CEP250: variants seen among roughly 807,000 people sequenced by gnomAD.
CEP250 encodes centrosomal protein 250.
Under a neutral mutation model 315.7 loss-of-function variants are expected in CEP250, and 242 were observed. The observed-to-expected ratio is 0.77, with a 90% CI of 0.69 to 0.85. The LOEUF (loss-of-function observed/expected upper bound fraction) is 0.85. CEP250 is among the 40% of genes least tolerant of loss of function. CEP250 has a pLI of 0.00. For missense variants in CEP250, 2,515 were observed against 2,886.4 expected (o/e 0.87, Z 2.95); for synonymous variants, 1,088 against 1,175.0 (o/e 0.93, Z 1.51).
At chr20:35,467,141 A>G (rs928219584) in intron 8 of CEP250, 69 bp downstream of exon 8, 1 of 773,452 alleles carries the variant, frequency 1.3e-6, no homozygotes, top group South Asian at 1.4e-5. Context: ...GTGGGCTGCT[A>G]TAGAAGCGGG....
chr20:35,467,178 G>GGGGGGGGGGGGGGGGGGGCC, intron 8 of CEP250, 106 bp downstream of exon 8: 1 of 507,406 alleles, frequency 2.0e-6, no homozygotes, highest in Non-Finnish European at 3.8e-6. Flanking sequence ...GGGTGGGTGG[G>GGGGGGGGGGGGGGGGGGGCC]GGAGTTGGTA....
At position 35,507,748 on chromosome 20, in the gene CEP250, A is replaced by G. The variant is rs377407692; in HGVS notation, c.6647A>G (p.Glu2216Gly). 95 of 1,553,510 alleles carry G rather than the reference A, an allele frequency of 6.1e-5. No homozygotes were observed. Among genetic ancestry groups the G allele is most frequent in the Non-Finnish European group, 7.8e-5 (89 of 1,148,004 alleles). Residue 2216 changes from glutamate (E) to glycine (G), a missense_variant, in exon 31 of 35, where the codon GAG (glutamate) becomes GGG (glycine). Physicochemically the swap from Glu to Gly is moderately conservative, Grantham distance 98. Coordinates refer to ENST00000397527, the MANE Select transcript of CEP250 (RefSeq NM_007186.6). ...ACCTCCGTACCCTAGGATGAACTGGAGCTCACCAGACGGGCTCTGGAGAAG... is the reference window on the plus strand; with the variant it reads ...ACCTCCGTACCCTAGGATGAACTGGGGCTCACCAGACGGGCTCTGGAGAAG... ...SEQQRLQDEL[E>G]LTRRALEKER...
Position 35,490,782 on chromosome 20 carries a change from A to G in CEP250, c.2732A>G (p.Gln911Arg). Residue 911 changes from glutamine to arginine, a missense_variant, in exon 21 of 35, where the codon CAG (glutamine) becomes CGG (arginine). Coordinates refer to ENST00000397527, the MANE Select transcript of CEP250 (RefSeq NM_007186.6). ...IQAQREEERT[Q>R]AESALCQMQL... is the part of the protein sequence containing the mutation. ...GCCCAGAGGGAAGAAGAACGGACCC[A>G]GGCAGAGAGTGCCCTATGCCAGGTG... The G allele has an allele frequency of 6.2e-7, 1 of 1,613,350 alleles. No homozygotes were observed. Among genetic ancestry groups the G allele is most frequent in the Non-Finnish European group, 8.5e-7 (1 of 1,179,896 alleles).
intron 1 of CEP250, among the ~76,000 whole-genome samples, chr20:35,457,695 A>C (rs1254458655): frequency 1.3e-5 from 2 of 152,120 alleles, no homozygotes; most frequent in Non-Finnish European, 2.9e-5. Context: ...GCTACTCAGG[A>C]GGCTGAGACA....
chr20:35,493,741 A>G (rs546105265), intron 23 of CEP250, among the ~76,000 whole-genome samples, 169 bp downstream of exon 23: 3 of 152,296 alleles, frequency 2.0e-5, no homozygotes, highest in South Asian at 2.1e-4. Flanking sequence ...AGAGTTGAGC[A>G]TGTGCCTGGC....
rs373195359 is a variant in CEP250 at position 35,511,358 on chromosome 20, A to G, written c.7066-5A>G. 72 of 1,547,212 alleles carry G rather than the reference A, an allele frequency of 4.7e-5. No homozygotes were observed. In the African/African-American group the frequency reaches 9.4e-4, roughly 20 times the overall value. ...TCGCTTTTTTTTTTTTTTCCTGCCC[A>G]CCAGGTGGTCCTGCTGCAAGCTCAG... On this transcript the variant is annotated splice_region_variant and splice_polypyrimidine_tract_variant and intron_variant, in intron 34 of 34. Coordinates refer to ENST00000397527, the MANE Select transcript of CEP250 (RefSeq NM_007186.6).
In CEP250 at chr20:35,470,233, G is replaced by A. The variant is rs2146756335; in HGVS notation, c.948+247G>A. On this transcript the variant is annotated intron_variant, in intron 10 of 34. Coordinates refer to ENST00000397527, the MANE Select transcript of CEP250 (RefSeq NM_007186.6). ...TTGCAATGGCATATGTATGCAGTGT[G>A]TCCTTACCAGAGAATTGGCACATAC... is the stretch of plus-strand genomic sequence containing the variant. The A allele has an allele frequency of 7.8e-6, 4 of 511,906 alleles. No individual in the cohort carries two copies. In the East Asian group the frequency reaches 1.3e-4, roughly 16 times the overall value. The allele number at this position is 511,906 out of a possible 1,614,324, so 31.7% of individuals were successfully genotyped here.
At position 35,496,666 on chromosome 20, in the gene CEP250, G is replaced by A. The variant is rs745957253; in HGVS notation, c.3257G>A (p.Arg1086His). 31 of 1,614,060 alleles carry A rather than the reference G, an allele frequency of 1.9e-5. 1 individual carries two copies. In the South Asian group the frequency reaches 3.0e-4, roughly 15 times the overall value. The change falls in exon 25 of 35, where the codon CGC becomes CAC. Residue 1086 changes from arginine (R) to histidine (H), a missense_variant. Physicochemically the swap from Arg to His is conservative, Grantham distance 29. Transcript: ENST00000397527. ...CGACAACAAGAGCTGAGTGCCCTGC[G>A]CCAGGACATGCAGGAGGCCCAGGGA... ...SIRQQELSAL[R>H]QDMQEAQGEQ...
chr20:35,482,725 A>G (rs2063386484), intron 20 of CEP250, among the ~76,000 whole-genome samples: 1 of 149,546 alleles, frequency 6.7e-6, no homozygotes, highest in South Asian at 2.1e-4. Context: ...ATGCCCAGCT[A>G]ATTTTTTTGT....
At chr20:35,469,706 A>G (rs577090726) in intron 9 of CEP250, 184 bp from the exon 10 acceptor site, 1 of 435,852 alleles carries the variant, frequency 2.3e-6, no homozygotes, top group South Asian at 6.4e-5. Flanking sequence ...TTGCTTCCCC[A>G]CTTCAAGGCT....
At position 35,503,313 on chromosome 20, in the gene CEP250, T is replaced by G; in HGVS notation, c.4944T>G (p.His1648Gln). 1 of 1,613,928 alleles carries G rather than the reference T, an allele frequency of 6.2e-7. No homozygotes were observed. The highest frequency in any genetic ancestry group is 1.7e-5 in the Admixed American group (1 of 60,008). ...QIEELQRQKE[H>Q]LTQDLERRDQ... ...AGGAGCTGCAGAGGCAGAAAGAGCA[T>G]CTGACTCAGGATCTCGAGAGGAGAG... is the stretch of plus-strand genomic sequence containing the variant. The change falls in exon 30 of 35, where the codon CAT becomes CAG. Residue 1648 changes from histidine to glutamine, a missense_variant. Coordinates refer to ENST00000397527, the MANE Select transcript of CEP250 (RefSeq NM_007186.6). The surrounding 1 kb of genome is among the most constrained non-coding windows in gnomAD (Gnocchi z 4.2).
chr20:35,493,585 T>C lies in CEP250; in HGVS notation c.3033+13T>C. 6.6e-7 allele frequency: 1 copy of C among 1,510,850 alleles called. No individual in the cohort carries two copies. 93.6% of individuals were successfully genotyped at this position (1,510,850 alleles called of 1,614,324 possible). On this transcript the variant is annotated intron_variant, in intron 23 of 34. Coordinates refer to ENST00000397527, the MANE Select transcript of CEP250 (RefSeq NM_007186.6). ...CCTGCAGAAGCAGGTCCCCTCCTCC[T>C]CCCCACCAAGTCCCATGGTCCTTCC...
At position 35,498,689 on chromosome 20, in the gene CEP250, A is replaced by G. The variant is rs2063917575; in HGVS notation, c.3750A>G (p.Gln1250=). ...CATCTGCCCTCCACAAGCTTCATCA[A>G]GACCTGTGGAAGACTCAACAGACCC... is the stretch of plus-strand genomic sequence containing the variant. ...AVASALHKLH[Q]DLWKTQQTRD... is the part of the protein sequence containing the mutation. The change falls in exon 27 of 35, where the codon CAA becomes CAG. Residue 1250 remains glutamine (Q), a synonymous_variant. Transcript: ENST00000397527. 1 of 1,601,298 alleles carries G rather than the reference A, an allele frequency of 6.2e-7. No homozygotes were observed. Among genetic ancestry groups the G allele is most frequent in the Non-Finnish European group, 8.5e-7 (1 of 1,176,336 alleles).
At chr20:35,506,815 T>C (rs1473444234) in intron 30 of CEP250, among the ~76,000 whole-genome samples, 1 of 152,196 alleles carries the variant, frequency 6.6e-6, no homozygotes, top group Non-Finnish European at 1.5e-5. Flanking sequence ...CATGGCATGA[T>C]ATGTATGAAT....
chr20:35,475,117 G>A (rs778382719), intron 14 of CEP250, among the ~76,000 whole-genome samples: 1 of 152,156 alleles, frequency 6.6e-6, no homozygotes, highest in Non-Finnish European at 1.5e-5. Context: ...GATCACATGA[G>A]CCCCCAGGAG....
chr20:35,504,855 A>G lies in CEP250; in HGVS notation c.6486A>G (p.Thr2162=), dbSNP rs2064140091. ...GGCTACAGGCAGCCCTGAGACAGAC[A>G]GAAGCCAGGGAGATTGAGTGGAGGG... ...LERLQAALRQ[T]EAREIEWREK... is the part of the protein sequence containing the mutation. The change falls in exon 30 of 35, where the codon ACA becomes ACG. Residue 2162 remains threonine, a synonymous_variant. Transcript: ENST00000397527. The G allele has an allele frequency of 1.2e-6, 2 of 1,614,116 alleles. No individual in the cohort carries two copies. Among genetic ancestry groups the G allele is most frequent in the Non-Finnish European group, 1.7e-6 (2 of 1,180,052 alleles).
intron 9 of CEP250, among the ~76,000 whole-genome samples, chr20:35,469,628 C>G (rs1488688889): frequency 1.3e-5 from 2 of 152,198 alleles, no homozygotes; most frequent in Non-Finnish European, 2.9e-5. Flanking sequence ...TCCTTCAGCT[C>G]TTGGGCCCCC....
intron 20 of CEP250, among the ~76,000 whole-genome samples, chr20:35,488,448 CTTTTTATTA>C (rs1009828291): frequency 1.3e-5 from 2 of 151,388 alleles, no homozygotes; most frequent in African/African-American, 4.8e-5. Flanking sequence ...TCTTTTTTTT[CTTTTTATTA>C]TTATTATTTC....
At chr20:35,466,292 G>T in intron 7 of CEP250, 88 bp downstream of exon 7, 4 of 1,419,258 alleles carry the variant, frequency 2.8e-6, no homozygotes, top group Non-Finnish European at 3.8e-6. Flanking sequence ...TTAACTTCAG[G>T]ACTTGGATGA....
Sources: allele counts gnomAD v4.1 joint callset (sites outside exome capture counted in the v4.1 genomes callset), GRCh38; gene constraint gnomAD v4.1.1; non-coding constraint Gnocchi (gnomAD v3.1); transcripts MANE v1.5; gene names NCBI Gene and HGNC (gene_info 2026-07-23, HGNC 2026-07-21).